COL4A4: variants seen among roughly 807,000 people sequenced by gnomAD.
COL4A4 encodes the protein collagen type IV alpha 4 chain, also known as collagen alpha-4(IV) chain.
A neutral mutation model predicts 192.9 loss-of-function variants in COL4A4; 105 were observed. That is an observed-to-expected ratio of 0.54 (90% confidence interval 0.46 to 0.64). The LOEUF is 0.64. Ranked by LOEUF, COL4A4 falls within the 30% of genes least tolerant of loss-of-function variation. COL4A4 has a pLI of 0.00. For synonymous variants in COL4A4, 762 were observed against 769.9 expected, an observed-to-expected ratio of 0.99 and a Z score of 0.17; for missense variants, 1,967 against 2,169.3, an observed-to-expected ratio of 0.91 and a Z score of 1.85.
intron 1 of COL4A4, among the ~76,000 whole-genome samples, chr2:227,156,117 G>A (rs1005734875): frequency 4.7e-4 from 71 of 151,764 alleles, no homozygotes; most frequent in Admixed American, 2.8e-3. Flanking sequence ...ATAAAAACCC[G>A]GCCGGGTGTG....
intron 42 of COL4A4, among the ~76,000 whole-genome samples, chr2:227,026,886 T>A (rs1237422085): frequency 6.6e-6 from 1 of 152,328 alleles, no homozygotes; most frequent in Non-Finnish European, 1.5e-5. Flanking sequence ...GAATTGAATA[T>A]ACGATCCTAA....
At chr2:227,078,161 C>T (rs538814236) in intron 24 of COL4A4, 84 bp from the exon 25 acceptor site, 105 of 1,366,378 alleles carry the variant, frequency 7.7e-5, no homozygotes, top group African/African-American at 3.3e-4. Flanking sequence ...CAGAAACACA[C>T]GCAAAAGTCC....
At chr2:226,989,488 G>A in the COL4A4 span, among the ~76,000 whole-genome samples, 1 of 152,214 alleles carries the variant, frequency 6.6e-6, no homozygotes, top group Non-Finnish European at 1.5e-5. Context: ...GGTCTCACAT[G>A]TCCAGTTTGT....
At chr2:227,131,838 G>A (rs2062492940) in intron 4 of COL4A4, among the ~76,000 whole-genome samples, 1 of 152,192 alleles carries the variant, frequency 6.6e-6, no homozygotes, top group Admixed American at 6.5e-5. Context: ...TGTGAAGACA[G>A]AGGCACAGAC....
chr2:227,041,770 GGAAGGA>G (rs1970999254), intron 37 of COL4A4, among the ~76,000 whole-genome samples: 1 of 105,976 alleles, frequency 9.4e-6, no homozygotes, highest in Non-Finnish European at 1.9e-5. Flanking sequence ...AAGGAAGGAA[GGAAGGA>G]AGGAAGGAAG....
chr2:227,106,583 T>C (rs1559638798), intron 12 of COL4A4, among the ~76,000 whole-genome samples: 2 of 152,204 alleles, frequency 1.3e-5, no homozygotes, highest in Admixed American at 6.5e-5. Context: ...TTATATTTTT[T>C]GAGACGTAGT....
intron 4 of COL4A4, among the ~76,000 whole-genome samples, chr2:227,131,521 C>T (rs1227714274): frequency 6.6e-6 from 1 of 152,178 alleles, no homozygotes; most frequent in African/African-American, 2.4e-5. Flanking sequence ...AAATTTCTCT[C>T]TAGTCACGTT....
intron 19 of COL4A4, among the ~76,000 whole-genome samples, chr2:227,097,352 G>T (rs947253354): frequency 3.2e-4 from 49 of 152,030 alleles, no homozygotes; most frequent in African/African-American, 1.1e-3. Context: ...ATACTTCTGT[G>T]TATTTTTGTC....
Position 227,006,559 on chromosome 2 carries a change from C to T in COL4A4, c.*766G>A, listed in dbSNP as rs200045199. The T allele has an allele frequency of 1.4e-5, 2 of 145,158 alleles. No homozygotes were observed. The highest frequency in any genetic ancestry group is 3.0e-5 in the Non-Finnish European group (2 of 66,138). 9.0% of individuals were successfully genotyped at this position (145,158 alleles called of 1,614,324 possible). A position where few individuals can be genotyped will look rare whatever the true frequency, so the allele number is the denominator to read the frequency against. The stretch of plus-strand genomic sequence containing the variant: ...TAATCTCTTATTGAATATTTTTTTT[C>T]CATAATTGCTACTTTTCAAAAGGGT... On this transcript the variant is annotated 3_prime_UTR_variant, in exon 48 of 48. Transcript: ENST00000396625.
intron 2 of COL4A4, among the ~76,000 whole-genome samples, chr2:227,145,372 G>A (rs1297325204): frequency 6.6e-6 from 1 of 152,122 alleles, no homozygotes. Flanking sequence ...ACTTGAACCC[G>A]GAAGGCAGAG....
At chr2:226,980,055 G>A in the COL4A4 span, among the ~76,000 whole-genome samples, 1 of 152,140 alleles carries the variant, frequency 6.6e-6, no homozygotes, top group Non-Finnish European at 1.5e-5. Flanking sequence ...GGATAGTGGG[G>A]GCATTTCTGA....
Position 227,007,284 on chromosome 2 carries a change from G to C in COL4A4, c.*41C>G, listed in dbSNP as rs929741770. The C allele has an allele frequency of 1.2e-6, 2 of 1,613,700 alleles. No individual in the cohort carries two copies. Among genetic ancestry groups the C allele is most frequent in the East Asian group, 4.5e-5 (2 of 44,882 alleles). ...CAGTCTAGGAAGTCTTAGCCCCCTA[G>C]GAAGTTTCTCTTGGCCACGTGTTGG... On this transcript the variant is annotated 3_prime_UTR_variant, in exon 48 of 48. Coordinates refer to ENST00000396625, the MANE Select transcript of COL4A4 (RefSeq NM_000092.5).
intron 42 of COL4A4, 121 bp from the exon 43 acceptor site, chr2:227,025,931 A>G (rs1966846075): frequency 1.2e-6 from 1 of 866,568 alleles, no homozygotes; most frequent in East Asian, 2.5e-5. Flanking sequence ...TAATAATTTG[A>G]GGCAGCATCA....
chr2:227,032,528 C>T (rs560708321), intron 38 of COL4A4, among the ~76,000 whole-genome samples: 33 of 152,230 alleles, frequency 2.2e-4, no homozygotes, highest in African/African-American at 7.9e-4. Flanking sequence ...GAGGCAATAC[C>T]AACCTCCCAC....
rs764547396 is a variant in COL4A4 at position 227,059,558 on chromosome 2, G to A, written c.2230C>T (p.Pro744Ser). The A allele has an allele frequency of 3.7e-6, 6 of 1,614,046 alleles. No homozygotes were observed. The highest frequency in any genetic ancestry group is 5.1e-6 in the Non-Finnish European group (6 of 1,179,968). ...GEKGSSPVGP[P>S]GPPGSPGVNG... ...ACTCCTGGTGAGCCGGGAGGGCCTGGGGGCCCAACAGGGGAGGACCCCTTT... is the reference window on the plus strand; with the variant it reads ...ACTCCTGGTGAGCCGGGAGGGCCTGAGGGCCCAACAGGGGAGGACCCCTTT... Residue 744 changes from proline (P) to serine (S), a missense_variant, in exon 28 of 48, where the codon CCA becomes TCA. Pro to Ser is a moderately conservative substitution (Grantham distance 74). Coordinates refer to ENST00000396625, the MANE Select transcript of COL4A4 (RefSeq NM_000092.5).
At chr2:227,119,200 T>TAG (rs528235548) in intron 6 of COL4A4, among the ~76,000 whole-genome samples, 22 of 152,090 alleles carry the variant, frequency 1.4e-4, no homozygotes, top group Non-Finnish European at 2.2e-4. Context: ...CAAGTATACC[T>TAG]AGCTCATATT....
rs144187875 is a variant in COL4A4, at chr2:227,080,882, G to A, written c.1697-333C>T. Among the ~76,000 whole-genome samples, 513 of 152,322 alleles carry A rather than the reference G, an allele frequency of 3.4e-3. 3 individuals are homozygous for A. The highest frequency in any genetic ancestry group is 0.012 in the African/African-American group (484 of 41,584). ...GAAAGGGGGAATGGTCTGCGGTTGG[G>A]TACTTGCCCTAAGCTAATCAGTCCT... On this transcript the variant is annotated intron_variant, in intron 23 of 47. Transcript: ENST00000396625.
intron 37 of COL4A4, among the ~76,000 whole-genome samples, chr2:227,036,431 C>T (rs990614444): frequency 6.6e-6 from 1 of 152,162 alleles, no homozygotes; most frequent in Non-Finnish European, 1.5e-5. Context: ...GGTTTTAGCA[C>T]TGAAATTTCT....
chr2:226,974,268 C>T, the COL4A4 span, among the ~76,000 whole-genome samples: 2 of 131,730 alleles, frequency 1.5e-5, no homozygotes, highest in African/African-American at 2.9e-5. Context: ...GACAGAGTCT[C>T]GCTCTGTCGC....
Sources: allele counts gnomAD v4.1 joint callset (sites outside exome capture counted in the v4.1 genomes callset), GRCh38; gene constraint gnomAD v4.1.1; transcripts MANE v1.5; gene names NCBI Gene and HGNC (gene_info 2026-07-23, HGNC 2026-07-21).